Variants in OPTN observed in about 807,000 individuals in gnomAD.
OPTN encodes optineurin, also known as E3-14.7K-interacting protein.
Under a neutral mutation model 70.4 loss-of-function variants are expected in OPTN, and 54 were observed. That is an observed-to-expected ratio of 0.77 (90% CI 0.62 to 0.96). OPTN has a LOEUF of 0.96. OPTN is among the 40% of genes least tolerant of loss of function. The probability of loss-of-function intolerance (pLI) is 0.00; values close to 1 mark genes in which losing one functional copy is unlikely to be tolerated. For synonymous variants in OPTN, 256 were observed against 248.5 expected, an observed-to-expected ratio of 1.03 and a Z score of -0.28; for missense variants, 624 against 673.2, an observed-to-expected ratio of 0.93 and a Z score of 0.81.
At chr10:13,105,993 C>G (rs1462823238) in intron 1 of OPTN, among the ~76,000 whole-genome samples, 1 of 152,050 alleles carries the variant, frequency 6.6e-6, no homozygotes, top group African/African-American at 2.4e-5. Flanking sequence ...CTCTTCTCCC[C>G]TCCCCTTCCT....
intron 7 of OPTN, 25 bp downstream of exon 7, chr10:13,119,065 A>G (rs745895710): frequency 5.0e-6 from 8 of 1,609,664 alleles, no homozygotes; most frequent in African/African-American, 1.3e-5. Flanking sequence ...AACTTGAAAT[A>G]TGTGTTTTTT....
intron 7 of OPTN, among the ~76,000 whole-genome samples, chr10:13,119,600 G>A (rs1003002825): frequency 2.0e-5 from 3 of 152,116 alleles, no homozygotes; most frequent in African/African-American, 7.2e-5. Context: ...ATACGGTATC[G>A]CTATTTCATA....
chr10:13,109,853 A>AAAAAG (rs1554768326), intron 3 of OPTN, among the ~76,000 whole-genome samples: 6 of 139,268 alleles, frequency 4.3e-5, no homozygotes, highest in Admixed American at 7.7e-5. Context: ...AAAAAAAAAA[A>AAAAAG]GGAAAAAGGA....
intron 7 of OPTN, among the ~76,000 whole-genome samples, chr10:13,121,131 G>T (rs1458080541): frequency 1.3e-5 from 2 of 152,172 alleles, no homozygotes; most frequent in Non-Finnish European, 2.9e-5. Flanking sequence ...TGAGATCTGG[G>T]TGGGGACAAC....
chr10:13,115,055 CTATATGTATATATATTTA>C (rs1288204052), intron 5 of OPTN, among the ~76,000 whole-genome samples: 40 of 59,878 alleles, frequency 6.7e-4, no homozygotes, highest in Non-Finnish European at 1.0e-3. Context: ...ATAGATATAT[CTATATGTATATATATTTA>C]TATATATAGA....
At position 13,112,487 on chromosome 10, in the gene OPTN, A is replaced by C. The variant is rs372714385; in HGVS notation, c.404A>C (p.Glu135Ala). The change falls in exon 5 of 15, where the codon GAA becomes GCA. Residue 135 changes from glutamate to alanine, a missense_variant. Transcript: ENST00000378747. Reference sequence around the variant, plus strand: ...GATGACTCCAGGCTTCCCAGGGCCGAAGCGGAGCAGGAAAAGGACCAGCTC... The same window carrying C: ...GATGACTCCAGGCTTCCCAGGGCCGCAGCGGAGCAGGAAAAGGACCAGCTC... Reference protein sequence around the residue: ...PTDDSRLPRAEAEQEKDQLRT... With the variant: ...PTDDSRLPRAAAEQEKDQLRT... 1.1e-4 allele frequency: 179 copies of C among 1,614,048 alleles called. 3 individuals are homozygous for C. Among genetic ancestry groups the C allele is most frequent in the South Asian group, 9.1e-4 (83 of 91,064 alleles).
chr10:13,118,371 A>G (rs887250740), intron 6 of OPTN, among the ~76,000 whole-genome samples: 6 of 152,092 alleles, frequency 3.9e-5, no homozygotes, highest in African/African-American at 1.4e-4. Flanking sequence ...AATACTTGAC[A>G]TATCAACAGA....
Position 13,135,807 on chromosome 10 carries a change from C to T in OPTN, c.1613-938C>T, listed in dbSNP as rs572106812. Among the ~76,000 whole-genome samples the T allele has an allele frequency of 7.9e-5, 12 of 152,290 alleles. No homozygotes were observed. The East Asian group carries it at 2.3e-3, about 29-fold the overall frequency. ...TATCCTCATTCATCCCTTTTCTTCT[C>T]GCAGATATCCTAGTATTTACTAGAA... is the stretch of plus-strand genomic sequence containing the variant. On this transcript the variant is annotated intron_variant, in intron 14 of 14. Transcript: ENST00000378747.
At chr10:13,112,707 C>T in intron 5 of OPTN, 72 bp downstream of exon 5, 2 of 1,435,700 alleles carry the variant, frequency 1.4e-6, no homozygotes, top group South Asian at 1.1e-5. Flanking sequence ...ACAAATACCA[C>T]TTTTTCTTGT....
intron 4 of OPTN, among the ~76,000 whole-genome samples, chr10:13,111,933 C>T (rs1368137528): frequency 2.0e-5 from 3 of 146,502 alleles, no homozygotes; most frequent in Admixed American, 6.9e-5. Context: ...CTGCAAGCTC[C>T]GCCTCCCAGG....
chr10:13,123,957 T>C, intron 8 of OPTN, 38 bp from the exon 9 acceptor site: 1 of 1,452,968 alleles, frequency 6.9e-7, no homozygotes, highest in Non-Finnish European at 9.7e-7. Context: ...TGTCAGATGA[T>C]AATTGTACAG....
chr10:13,133,624 T>C (rs1202915463), intron 14 of OPTN, 43 bp downstream of exon 14: 1 of 1,556,912 alleles, frequency 6.4e-7, no homozygotes, highest in African/African-American at 1.4e-5. Context: ...ATAGCTATCC[T>C]ATGAAAAAGA....
intron 3 of OPTN, 145 bp downstream of exon 3, chr10:13,109,433 G>A: frequency 1.3e-6 from 1 of 771,634 alleles, no homozygotes; most frequent in Non-Finnish European, 2.1e-6. Flanking sequence ...TTAGCATTTG[G>A]CAAGGCTAAA....
chr10:13,108,912 A>G (rs1329239411), intron 2 of OPTN, 200 bp from the exon 3 acceptor site: 29 of 527,082 alleles, frequency 5.5e-5, no homozygotes, highest in African/African-American at 1.8e-4. Context: ...ATGCGCGTGC[A>G]CACACACACA....
In OPTN at chr10:13,127,659, T is replaced by TA. The variant is rs926403383; in HGVS notation, c.1243-79dup. 7.6e-6 allele frequency: 11 copies of TA among 1,445,412 alleles called. No individual in the cohort carries two copies. The African/African-American group carries it at 1.3e-4, about 17-fold the overall frequency. The allele number at this position is 1,445,412 out of a possible 1,614,324, so 89.5% of individuals were successfully genotyped here. On this transcript the variant is annotated intron_variant, in intron 11 of 14. Transcript: ENST00000378747. The stretch of plus-strand genomic sequence containing the variant: ...ACCACACCCGGCCAGAGCTGATAAT[T>TA]AAAAAAATAAACCTTTTTCTAATAT...
At chr10:13,100,866 G>A (rs1431930253) in intron 1 of OPTN, among the ~76,000 whole-genome samples, 1 of 152,198 alleles carries the variant, frequency 6.6e-6, no homozygotes, top group East Asian at 1.9e-4. Flanking sequence ...AGTAAACATC[G>A]CTCAAAGAAA....
intron 6 of OPTN, among the ~76,000 whole-genome samples, chr10:13,117,520 A>C (rs1833246715): frequency 7.3e-6 from 1 of 136,356 alleles, no homozygotes; most frequent in Non-Finnish European, 1.5e-5. Context: ...ATCTCAGCTC[A>C]CTGCAACGTC....
intron 1 of OPTN, among the ~76,000 whole-genome samples, chr10:13,106,704 G>C (rs956555195): frequency 3.3e-5 from 5 of 152,170 alleles, no homozygotes; most frequent in East Asian, 1.9e-4. Context: ...GAAAGCCCAA[G>C]GTATTGCCTC....
At chr10:13,103,858 T>C (rs529994318) in intron 1 of OPTN, among the ~76,000 whole-genome samples, 5 of 152,288 alleles carry the variant, frequency 3.3e-5, no homozygotes, top group African/African-American at 9.6e-5. Context: ...GTCTTCCTCA[T>C]TGGTGGAATC....
Sources: allele counts gnomAD v4.1 joint callset (sites outside exome capture counted in the v4.1 genomes callset), GRCh38; gene constraint gnomAD v4.1.1; transcripts MANE v1.5; gene names NCBI Gene and HGNC (gene_info 2026-07-23, HGNC 2026-07-21).